The following UBE2W variants were observed in gnomAD, a reference collection of about 807,000 sequenced individuals.
UBE2W encodes the protein ubiquitin-conjugating enzyme E2 W.
UBE2W carries 18 observed loss-of-function variants against 27.2 expected under a neutral mutation model. The ratio of observed to expected loss-of-function variants is 0.66; its 90% CI spans 0.46 to 0.98. The LOEUF (loss-of-function observed/expected upper bound fraction) is 0.98. Among genes scored for constraint, UBE2W ranks in the 50% least tolerant of loss-of-function variants. The pLI, the probability that UBE2W is intolerant of heterozygous loss-of-function variation, is 0.00. For missense variants in UBE2W, 90 were observed against 180.2 expected, an observed-to-expected ratio of 0.50 and a Z score of 2.87; for synonymous variants, 53 against 57.2, an observed-to-expected ratio of 0.93 and a Z score of 0.33.
chr8:73,807,859 T>C (rs1308856228), intron 4 of UBE2W, among the ~76,000 whole-genome samples: 4 of 152,200 alleles, frequency 2.6e-5, no homozygotes, highest in African/African-American at 7.2e-5. Context: ...AAAGAAACTA[T>C]ACAAAAGAAG....
Position 73,793,667 on chromosome 8 carries a change from G to A in UBE2W, c.*435C>T, listed in dbSNP as rs1808292706. 2 of 988,152 alleles carry A rather than the reference G, an allele frequency of 2.0e-6. No homozygotes were observed. The highest frequency in any genetic ancestry group is 1.7e-5 in the African/African-American group (1 of 57,262). The allele number at this position is 988,152 out of a possible 1,614,324, so 61.2% of individuals were successfully genotyped here. ...TTTATATTCCCACTATAACCAGTAA[G>A]TTCATTTCATAGGCCCTATCATGCA... On this transcript the variant is annotated 3_prime_UTR_variant, in exon 6 of 6. Transcript: ENST00000602593.
rs937753632 is a variant in UBE2W, at chr8:73,786,664, C to A, written c.*7438G>T. On this transcript the variant is annotated 3_prime_UTR_variant, in exon 6 of 6. Coordinates refer to ENST00000602593, the MANE Select transcript of UBE2W (RefSeq NM_018299.6). ...GCAGTGGAAGCTTGCATTGCTACTG[C>A]TTATGAAACAAGGTTTGTGGACAGC... 6.1e-6 allele frequency: 6 copies of A among 985,254 alleles called. No individual in the cohort carries two copies. The African/African-American group carries it at 1.0e-4, about 17-fold the overall frequency. The allele number at this position is 985,254 out of a possible 1,614,324, so 61.0% of individuals were successfully genotyped here. A position where few individuals can be genotyped will look rare whatever the true frequency, so the allele number is the denominator to read the frequency against.
chr8:73,787,482 T>G lies in UBE2W; in HGVS notation c.*6620A>C. 1.0e-6 allele frequency: 1 copy of G among 985,416 alleles called. No individual in the cohort carries two copies. The highest frequency in any genetic ancestry group is 1.2e-6 in the Non-Finnish European group (1 of 829,924). The allele number at this position is 985,416 out of a possible 1,614,324, so 61.0% of individuals were successfully genotyped here. ...GATGGTTCATATATTTATCTAACCA[T>G]CTACTAACATAGTTGTGTAGGACGG... On this transcript the variant is annotated 3_prime_UTR_variant, in exon 6 of 6. Transcript: ENST00000602593.
At chr8:73,848,869 T>C (rs931131930) in intron 1 of UBE2W, among the ~76,000 whole-genome samples, 1 of 152,202 alleles carries the variant, frequency 6.6e-6, no homozygotes, top group Non-Finnish European at 1.5e-5. Context: ...TGTAGATTTG[T>C]GCATTTTCCT....
At chr8:73,816,818 G>A (rs1490292246) in intron 3 of UBE2W, among the ~76,000 whole-genome samples, 3 of 152,198 alleles carry the variant, frequency 2.0e-5, no homozygotes, top group African/African-American at 7.2e-5. Context: ...GGATCACTGG[G>A]GGGTTAGGAG....
intron 1 of UBE2W, among the ~76,000 whole-genome samples, chr8:73,850,832 T>C (rs1811046435): frequency 6.6e-6 from 1 of 151,494 alleles, no homozygotes. Flanking sequence ...TTCTTTAAAA[T>C]ATTCACCTAT....
At chr8:73,823,533 C>T (rs185100214) in intron 3 of UBE2W, among the ~76,000 whole-genome samples, 1 of 152,274 alleles carries the variant, frequency 6.6e-6, no homozygotes, top group African/African-American at 2.4e-5. Context: ...ATGATGAAAA[C>T]AGACTGAGAT....
At chr8:73,783,446 G>A (rs772285195), downstream of UBE2W, among the ~76,000 whole-genome samples, 4 of 152,126 alleles carry the variant, frequency 2.6e-5, no homozygotes, top group South Asian at 2.1e-4. Flanking sequence ...CCTTTCGTTC[G>A]ATGGAGTATT....
chr8:73,857,951 A>G (rs7845546), intron 1 of UBE2W, among the ~76,000 whole-genome samples: 36,885 of 152,148 alleles, frequency 0.24, 7,587 homozygotes, highest in African/African-American at 0.57. Context: ...GCGGCTGGGC[A>G]TGGTGGCTCA....
chr8:73,816,630 G>A (rs775826825), intron 3 of UBE2W, among the ~76,000 whole-genome samples: 16 of 152,148 alleles, frequency 1.1e-4, no homozygotes, highest in Non-Finnish European at 2.1e-4. Flanking sequence ...ACCACTCTTA[G>A]CAACAAAATG....
intron 1 of UBE2W, among the ~76,000 whole-genome samples, chr8:73,833,433 C>A (rs1313274594): frequency 5.9e-5 from 9 of 151,736 alleles, no homozygotes; most frequent in Admixed American, 6.6e-5. Context: ...TGATCACCTG[C>A]ACAGTTTAAT....
At position 73,845,108 on chromosome 8, in the gene UBE2W, C is replaced by A. The variant is rs1048542486; in HGVS notation, c.16-14636G>T. ...TCTGGGAGGTGGGGGGCAGCCCCCG[C>A]CTGGCCGCCGCCCCGTCTGGGAGGT... On this transcript the variant is annotated intron_variant, in intron 1 of 5. Transcript: ENST00000602593. 3.3e-5 allele frequency among the ~76,000 whole-genome samples: 5 copies of A among 151,954 alleles called. No homozygotes were observed. The East Asian group carries it at 9.7e-4, about 29-fold the overall frequency.
In UBE2W at chr8:73,788,044, A is replaced by C. The variant is rs1356858012; in HGVS notation, c.*6058T>G. 3 of 985,248 alleles carry C rather than the reference A, an allele frequency of 3.0e-6. No individual in the cohort carries two copies. Among genetic ancestry groups the C allele is most frequent in the Non-Finnish European group, 3.6e-6 (3 of 829,894 alleles). The allele number at this position is 985,248 out of a possible 1,614,324, so 61.0% of individuals were successfully genotyped here. ...TAAAATTCAGTCTTTTGTGAAGAGA[A>C]ACTACTGTACAAATACTTTTACGTC... On this transcript the variant is annotated 3_prime_UTR_variant, in exon 6 of 6. Coordinates refer to ENST00000602593, the MANE Select transcript of UBE2W (RefSeq NM_018299.6).
At chr8:73,838,144 G>A (rs1054861798) in intron 1 of UBE2W, among the ~76,000 whole-genome samples, 18 of 152,054 alleles carry the variant, frequency 1.2e-4, no homozygotes, top group African/African-American at 4.1e-4. Flanking sequence ...ACCAATAATG[G>A]TATGTAAATG....
rs61066616 is a variant in UBE2W, at chr8:73,858,883, T to C, written c.15+19925A>G. 5.8e-3 allele frequency among the ~76,000 whole-genome samples: 771 copies of C among 132,016 alleles called. 1 individual carries two copies. Among genetic ancestry groups the C allele is most frequent in the Non-Finnish European group, 9.2e-3 (601 of 65,652 alleles). The allele number at this position is 132,016 out of a possible 152,430, so 86.6% of individuals were successfully genotyped here. A position where few individuals can be genotyped will look rare whatever the true frequency, so the allele number is the denominator to read the frequency against. On this transcript the variant is annotated intron_variant, in intron 1 of 5. Transcript: ENST00000602593. ...CATTAGGGGGGTTTTTGCGTGCGTG[T>C]GTGTGTGTGTGTGTGTGTGTGTGTG...
chr8:73,794,537 A>G (rs1356584476), intron 5 of UBE2W, among the ~76,000 whole-genome samples: 2 of 152,208 alleles, frequency 1.3e-5, no homozygotes, highest in Non-Finnish European at 2.9e-5. Flanking sequence ...CTGTGAAGGA[A>G]GTAACTGTTC....
chr8:73,810,692 C>T, intron 3 of UBE2W, 63 bp from the exon 4 acceptor site: 1 of 1,304,658 alleles, frequency 7.7e-7, no homozygotes, highest in Non-Finnish European at 1.0e-6. Context: ...CTAAAATATT[C>T]TCCACATATA....
intron 5 of UBE2W, among the ~76,000 whole-genome samples, chr8:73,800,914 G>A (rs1485830388): frequency 6.6e-6 from 1 of 152,090 alleles, no homozygotes; most frequent in East Asian, 1.9e-4. Context: ...CCAACATGGA[G>A]AAACCTCATC....
chr8:73,827,365 C>T (rs937257563), intron 2 of UBE2W, among the ~76,000 whole-genome samples: 4 of 152,158 alleles, frequency 2.6e-5, no homozygotes, highest in Admixed American at 1.3e-4. Context: ...AGGCATGAGC[C>T]ACCACACCCG....
Sources: gnomAD v4.1 joint callset for allele counts (sites outside exome capture counted in the v4.1 genomes callset) on GRCh38, gnomAD v4.1.1 for gene constraint, MANE v1.5 for transcripts, NCBI Gene and HGNC (gene_info 2026-07-23, HGNC 2026-07-21) for gene names.